The following LRP6 variants were observed in gnomAD, a reference collection of about 807,000 sequenced individuals.
LRP6 encodes low-density lipoprotein receptor-related protein 6.
Under a neutral mutation model 184.1 loss-of-function variants are expected in LRP6, and 43 were observed. That is an observed-to-expected ratio of 0.23 (90% CI 0.18 to 0.30). The LOEUF (loss-of-function observed/expected upper bound fraction) is 0.30. Ranked by LOEUF, LRP6 falls within the 10% of genes least tolerant of loss-of-function variation. The pLI, the probability that LRP6 is intolerant of heterozygous loss-of-function variation, is 1.00. For synonymous variants in LRP6, 719 were observed against 684.9 expected (o/e 1.05, Z -0.78); for missense variants, 1,571 against 2,005.3 (o/e 0.78, Z 4.14).
intron 8 of LRP6, 124 bp downstream of exon 8, chr12:12,164,955 A>AAAAAAAAAAAAG: frequency 7.6e-6 from 4 of 528,554 alleles, no homozygotes; most frequent in Non-Finnish European, 1.3e-5. Flanking sequence ...AAAAAAAAAA[A>AAAAAAAAAAAAG]GGCGGGGGGG....
chr12:12,175,899 T>C (rs1034749540), intron 7 of LRP6, among the ~76,000 whole-genome samples: 7 of 151,888 alleles, frequency 4.6e-5, no homozygotes, highest in Admixed American at 2.0e-4. Context: ...TAATAGTACA[T>C]TCTTAATTTT....
intron 3 of LRP6, among the ~76,000 whole-genome samples, chr12:12,198,549 T>G (rs1409477144): frequency 1.4e-5 from 2 of 147,738 alleles, no homozygotes; most frequent in Non-Finnish European, 3.0e-5. Context: ...TTTTTTTTTT[T>G]TTTGAGACAG....
At chr12:12,165,407 C>T in intron 7 of LRP6, 112 bp from the exon 8 acceptor site, 1 of 778,888 alleles carries the variant, frequency 1.3e-6, no homozygotes, top group Non-Finnish European at 2.3e-6. Context: ...TCTTGGTATT[C>T]CTATTACAAT....
intron 1 of LRP6, among the ~76,000 whole-genome samples, chr12:12,251,427 G>A (rs1408194372): frequency 1.3e-5 from 2 of 151,582 alleles, no homozygotes; most frequent in Admixed American, 6.6e-5. Flanking sequence ...GCAGTGGTGG[G>A]ATCTCAGCTC....
At chr12:12,144,022 GT>G (rs1351627130) in intron 15 of LRP6, among the ~76,000 whole-genome samples, 2 of 152,016 alleles carry the variant, frequency 1.3e-5, no homozygotes, top group Non-Finnish European at 2.9e-5. Flanking sequence ...GATGTTAACC[GT>G]AAAAAGAAAA....
rs147651260 is a variant in LRP6 at position 12,179,919 on chromosome 12, G to A, written c.1436C>T (p.Ser479Phe). The change falls in exon 7 of 23, where the codon TCT becomes TTT. Residue 479 changes from serine to phenylalanine, a missense_variant. Around this residue, in one of 4 missense-constraint regions of LRP6, gnomAD observed 640 missense variants for 851.9 expected, o/e 0.75. Transcript: ENST00000261349. ...PKIERAALDG[S>F]DRVVLVNTSL... Reference sequence around the variant, plus strand: ...AGTGTTAACCAATACTACACGGTCAGAACCATCCAGAGCTGCTCGCTCAAT... The same window carrying A: ...AGTGTTAACCAATACTACACGGTCAAAACCATCCAGAGCTGCTCGCTCAAT... The A allele has an allele frequency of 5.0e-5, 80 of 1,613,834 alleles. 1 individual carries two copies. The highest frequency in any genetic ancestry group is 4.9e-4 in the Middle Eastern group (3 of 6,084).
At chr12:12,199,373 G>GA (rs908730922) in intron 3 of LRP6, among the ~76,000 whole-genome samples, 1 of 151,254 alleles carries the variant, frequency 6.6e-6, no homozygotes, top group African/African-American at 2.4e-5. Flanking sequence ...ACTTTGAAGT[G>GA]AAAAAAAAGG....
intron 13 of LRP6, among the ~76,000 whole-genome samples, chr12:12,150,059 C>A (rs1324905186): frequency 6.6e-6 from 1 of 152,084 alleles, no homozygotes; most frequent in Non-Finnish European, 1.5e-5. Flanking sequence ...ACTCTAACTT[C>A]CCTAAATTTT....
At chr12:12,163,017 C>T (rs1046231221) in intron 9 of LRP6, among the ~76,000 whole-genome samples, 1 of 152,112 alleles carries the variant, frequency 6.6e-6, no homozygotes, top group African/African-American at 2.4e-5. Context: ...ACTCTGTCAC[C>T]CAGGCTGGAG....
chr12:12,226,221 C>T (rs1395060556), intron 2 of LRP6, among the ~76,000 whole-genome samples: 1 of 152,138 alleles, frequency 6.6e-6, no homozygotes, highest in African/African-American at 2.4e-5. Context: ...CACAGCTTAC[C>T]ATCACATTAC....
rs1345621713 is a variant in LRP6, at chr12:12,266,963, C to T, written c.-228G>A. 3.7e-6 allele frequency: 2 copies of T among 545,210 alleles called. No homozygotes were observed. The highest frequency in any genetic ancestry group is 3.3e-5 in the East Asian group (1 of 30,178). The allele number at this position is 545,210 out of a possible 1,614,324, so 33.8% of individuals were successfully genotyped here. A position where few individuals can be genotyped will look rare whatever the true frequency, so the allele number is the denominator to read the frequency against. On this transcript the variant is annotated 5_prime_UTR_variant, in exon 1 of 23. Coordinates refer to ENST00000261349, the MANE Select transcript of LRP6 (RefSeq NM_002336.3). ...CGCGACGCCAGCGTCTGCTTCCATC[C>T]CGCCGCCTCCTCCCCCGGCGCCCCG...
intron 3 of LRP6, among the ~76,000 whole-genome samples, chr12:12,194,018 G>A (rs928587260): frequency 2.0e-5 from 3 of 152,000 alleles, no homozygotes; most frequent in Non-Finnish European, 4.4e-5. Context: ...ACTTACCCCA[G>A]AAATGCAAGA....
chr12:12,155,639 A>C, intron 12 of LRP6: 1 of 920,286 alleles, frequency 1.1e-6, no homozygotes, highest in East Asian at 2.4e-5. Flanking sequence ...CAGAAAAAGA[A>C]AGAAGCCAAA....
At chr12:12,230,448 C>G (rs1864754144) in intron 2 of LRP6, among the ~76,000 whole-genome samples, 1 of 151,758 alleles carries the variant, frequency 6.6e-6, no homozygotes, top group South Asian at 2.1e-4. Context: ...GAAATTTCAC[C>G]CTTTACAAGA....
chr12:12,236,587 T>C (rs1864937130), intron 2 of LRP6, among the ~76,000 whole-genome samples: 1 of 152,132 alleles, frequency 6.6e-6, no homozygotes, highest in Non-Finnish European at 1.5e-5. Context: ...CAGATCCCAG[T>C]AACGGGCTCG....
intron 2 of LRP6, among the ~76,000 whole-genome samples, chr12:12,218,474 C>CAATAATAATAA (rs751920762): frequency 1.1e-5 from 1 of 94,026 alleles, no homozygotes; most frequent in African/African-American, 3.8e-5. Flanking sequence ...AAGACCCTCT[C>CAATAATAATAA]TCAATAATAA....
rs530969169 is a variant in LRP6 at position 12,203,102 on chromosome 12, T to C, written c.647+101A>G. ...ACTATTCTTCTTCCCCTCTGGCACT[T>C]AGTCAAAAATAAACATATTTCTTAA... On this transcript the variant is annotated intron_variant, in intron 3 of 22. Transcript: ENST00000261349. 9 of 792,940 alleles carry C rather than the reference T, an allele frequency of 1.1e-5. No individual in the cohort carries two copies. In the African/African-American group the frequency reaches 1.4e-4, roughly 12 times the overall value. 49.1% of individuals were successfully genotyped at this position (792,940 alleles called of 1,614,324 possible). A position where few individuals can be genotyped will look rare whatever the true frequency, so the allele number is the denominator to read the frequency against.
chr12:12,159,959 A>G lies in LRP6; in HGVS notation c.2285T>C (p.Met762Thr), dbSNP rs1452193026. The change falls in exon 11 of 23, where the codon ATG becomes ACG. Residue 762 changes from methionine to threonine, a missense_variant. Around this residue, in one of 4 missense-constraint regions of LRP6, gnomAD observed 158 missense variants for 258.4 expected, o/e 0.61. Transcript: ENST00000261349. ...ALALDPAEGF[M>T]YWTEWGGKPK... ...TTTTCCACCCCATTCAGTCCAATAC[A>G]TAAATCTAAATTCAAAATAATAAAT... is the stretch of plus-strand genomic sequence containing the variant. The G allele has an allele frequency of 6.3e-7, 1 of 1,599,176 alleles. No homozygotes were observed. Among genetic ancestry groups the G allele is most frequent in the Non-Finnish European group, 8.5e-7 (1 of 1,171,724 alleles).
intron 3 of LRP6, among the ~76,000 whole-genome samples, chr12:12,192,403 A>C (rs1290232089): frequency 6.6e-6 from 1 of 151,904 alleles, no homozygotes; most frequent in African/African-American, 2.4e-5. Flanking sequence ...AAAACACTAA[A>C]ATGTCAGACA....
Sources: gnomAD v4.1 joint callset for allele counts (sites outside exome capture counted in the v4.1 genomes callset) on GRCh38, gnomAD v4.1.1 for gene constraint, gnomAD v4.1.1 regional missense constraint, MANE v1.5 for transcripts, NCBI Gene and HGNC (gene_info 2026-07-23, HGNC 2026-07-21) for gene names.